The following FMNL2 variants were observed in gnomAD, a reference collection of about 807,000 sequenced individuals.
FMNL2 encodes formin like 2.
In FMNL2, 51 loss-of-function variants were observed where a neutral mutation model predicts 130.2. The observed-to-expected ratio is 0.39, with a 90% CI of 0.31 to 0.49. The LOEUF (loss-of-function observed/expected upper bound fraction) is 0.49, where lower values mean the gene tolerates loss of function less well. Among genes scored for constraint, FMNL2 ranks in the 20% least tolerant of loss-of-function variants. The pLI is 0.85. For missense variants in FMNL2, 977 were observed against 1,316.2 expected, an observed-to-expected ratio of 0.74 and a Z score of 3.99; for synonymous variants, 465 against 467.1, an observed-to-expected ratio of 1.00 and a Z score of 0.06.
intron 9 of FMNL2, among the ~76,000 whole-genome samples, chr2:152,582,984 C>T (rs553848230): frequency 6.6e-6 from 1 of 152,070 alleles, no homozygotes; most frequent in South Asian, 2.1e-4. Flanking sequence ...ATTTTTTTCT[C>T]CTAGGTAAGA....
intron 6 of FMNL2, among the ~76,000 whole-genome samples, chr2:152,568,653 G>A (rs1695997616): frequency 6.6e-6 from 1 of 152,152 alleles, no homozygotes; most frequent in Non-Finnish European, 1.5e-5. Context: ...CAATCCTAGT[G>A]GAAGGGGAAA....
intron 2 of FMNL2, among the ~76,000 whole-genome samples, chr2:152,540,369 C>T (rs921887311): frequency 2.6e-5 from 4 of 151,960 alleles, no homozygotes; most frequent in Admixed American, 1.3e-4. Flanking sequence ...AGTGATGGCA[C>T]TAGAGATGTT....
chr2:152,417,097 C>T (rs1370866818), intron 1 of FMNL2, among the ~76,000 whole-genome samples: 1 of 152,208 alleles, frequency 6.6e-6, no homozygotes, highest in Non-Finnish European at 1.5e-5. Context: ...AACTTCTACA[C>T]GATTACTTAT....
intron 9 of FMNL2, among the ~76,000 whole-genome samples, chr2:152,601,074 C>CT (rs1024287951): frequency 1.3e-5 from 2 of 151,850 alleles, no homozygotes; most frequent in Admixed American, 6.6e-5. Context: ...GCAATGAAAC[C>CT]TTTTTTTCCC....
chr2:152,346,660 C>G (rs1682140345), intron 1 of FMNL2, among the ~76,000 whole-genome samples: 1 of 152,034 alleles, frequency 6.6e-6, no homozygotes, highest in Non-Finnish European at 1.5e-5. Flanking sequence ...TACCCTATCT[C>G]TAACAACAAA....
In FMNL2 at chr2:152,544,450, T is replaced by G. The variant is rs1429235965; in HGVS notation, c.282+1631T>G. Among the ~76,000 whole-genome samples, 3 of 152,124 alleles carry G rather than the reference T, an allele frequency of 2.0e-5. No homozygotes were observed. In the East Asian group the frequency reaches 5.8e-4, roughly 29 times the overall value. ...ATAAATAAATACAGACACACCCATA[T>G]ACACAAAATACATCCCCAGACAGGT... On this transcript the variant is annotated intron_variant, in intron 3 of 25. Coordinates refer to ENST00000288670, the MANE Select transcript of FMNL2 (RefSeq NM_052905.4).
chr2:152,504,285 G>A (rs1692027977), intron 1 of FMNL2, among the ~76,000 whole-genome samples: 2 of 147,866 alleles, frequency 1.4e-5, no homozygotes, highest in Non-Finnish European at 3.0e-5. Context: ...TCTTCGAGAC[G>A]GGGTCTTGCT....
At chr2:152,584,651 C>T (rs761895685) in intron 9 of FMNL2, among the ~76,000 whole-genome samples, 1 of 152,094 alleles carries the variant, frequency 6.6e-6, no homozygotes, top group African/African-American at 2.4e-5. Context: ...GGATTTTTCC[C>T]CCTCTACCTC....
intron 1 of FMNL2, among the ~76,000 whole-genome samples, chr2:152,499,618 T>C (rs969345335): frequency 6.6e-6 from 1 of 152,212 alleles, no homozygotes; most frequent in African/African-American, 2.4e-5. Context: ...TAGGCTTTTT[T>C]CAAGGTAGGT....
intron 2 of FMNL2, among the ~76,000 whole-genome samples, chr2:152,536,345 A>T (rs1387084159): frequency 6.6e-6 from 1 of 150,402 alleles, no homozygotes; most frequent in African/African-American, 2.5e-5. Flanking sequence ...AACTCTGAAG[A>T]GTACTTAGCA....
Position 152,338,818 on chromosome 2 carries a change from G to GACACACACACACACAC in FMNL2, c.117+3099_117+3100insCACACACACACACACA, listed in dbSNP as rs767062578. 1.1e-3 allele frequency among the ~76,000 whole-genome samples: 68 copies of GACACACACACACACAC among 60,396 alleles called. 1 individual carries two copies. The highest frequency in any genetic ancestry group is 2.0e-3 in the African/African-American group (47 of 23,570). 39.6% of individuals were successfully genotyped at this position (60,396 alleles called of 152,430 possible). A position where few individuals can be genotyped will look rare whatever the true frequency, so the allele number is the denominator to read the frequency against. On this transcript the variant is annotated intron_variant, in intron 1 of 25. Transcript: ENST00000288670. ...CCTTTCAGGTACAGCTGGAAGGTGA[G>GACACACACACACACAC]ATACACACACACACACACACACACA...
chr2:152,335,913 C>T (rs13408985), intron 1 of FMNL2, among the ~76,000 whole-genome samples, 193 bp downstream of exon 1: 5,505 of 151,594 alleles, frequency 0.036, 224 homozygotes, highest in African/African-American at 0.099. Flanking sequence ...CTCAGTCTCT[C>T]GGGGTCCCGG....
chr2:152,494,965 A>G (rs1426793036), intron 1 of FMNL2, among the ~76,000 whole-genome samples: 1 of 152,228 alleles, frequency 6.6e-6, no homozygotes, highest in Non-Finnish European at 1.5e-5. Context: ...TAGAACTACT[A>G]ACACTTGCAA....
At chr2:152,504,369 C>T (rs901707322) in intron 1 of FMNL2, among the ~76,000 whole-genome samples, 41 of 151,904 alleles carry the variant, frequency 2.7e-4, no homozygotes, top group African/African-American at 8.9e-4. Context: ...GTCTCAGCCT[C>T]CTGAGTAGCT....
At chr2:152,454,812 A>G (rs1688861980) in intron 1 of FMNL2, among the ~76,000 whole-genome samples, 1 of 152,216 alleles carries the variant, frequency 6.6e-6, no homozygotes, top group Non-Finnish European at 1.5e-5. Context: ...TTGGTCAGAG[A>G]AAGGGCCAAA....
In FMNL2 at chr2:152,356,167, C is replaced by T. The variant is rs150961140; in HGVS notation, c.117+20447C>T. Among the ~76,000 whole-genome samples, 1,301 of 152,270 alleles carry T rather than the reference C, an allele frequency of 8.5e-3. 15 individuals carry two copies. The highest frequency in any genetic ancestry group is 0.026 in the African/African-American group (1,066 of 41,550). ...TGTTTATTTTTTTGAGATGAAGTCT[C>T]GCTCTGTCACCCAGGCTGGAGTGCA... is the stretch of plus-strand genomic sequence containing the variant. On this transcript the variant is annotated intron_variant, in intron 1 of 25. Coordinates refer to ENST00000288670, the MANE Select transcript of FMNL2 (RefSeq NM_052905.4).
chr2:152,506,870 A>C (rs535931025), intron 1 of FMNL2, among the ~76,000 whole-genome samples: 3 of 152,234 alleles, frequency 2.0e-5, no homozygotes, highest in Admixed American at 1.3e-4. Context: ...TTCTAAAAGC[A>C]TAATTACTTA....
chr2:152,387,766 GCCTCAGCCT>G (rs1684864893), intron 1 of FMNL2, among the ~76,000 whole-genome samples: 1 of 151,780 alleles, frequency 6.6e-6, no homozygotes. Flanking sequence ...CCATCCTCCT[GCCTCAGCCT>G]CCTGAGTAGC....
chr2:152,617,441 TC>T, intron 13 of FMNL2, among the ~76,000 whole-genome samples: 2 of 152,378 alleles, frequency 1.3e-5, no homozygotes, highest in Middle Eastern at 6.8e-3. Context: ...AACAGTGTTT[TC>T]CCATCTGGAG....
Sources: allele counts gnomAD v4.1 joint callset (sites outside exome capture counted in the v4.1 genomes callset), GRCh38; gene constraint gnomAD v4.1.1; transcripts MANE v1.5; gene names NCBI Gene and HGNC (gene_info 2026-07-23, HGNC 2026-07-21).